XPR1: variants seen among roughly 807,000 people sequenced by gnomAD.
XPR1 encodes the protein xenotropic and polytropic retrovirus receptor 1, also known as solute carrier family 53 member 1.
XPR1 carries 28 observed loss-of-function variants against 87.5 expected under a neutral mutation model. The ratio of observed to expected loss-of-function variants is 0.32; its 90% confidence interval spans 0.24 to 0.44. The LOEUF (loss-of-function observed/expected upper bound fraction) is 0.44, where lower values mean the gene tolerates loss of function less well. Among genes scored for constraint, XPR1 ranks in the 20% least tolerant of loss-of-function variants. The pLI is 1.00. For synonymous variants in XPR1, 300 were observed against 306.1 expected, an observed-to-expected ratio of 0.98 and a Z score of 0.21; for missense variants, 559 against 862.3, an observed-to-expected ratio of 0.65 and a Z score of 4.41.
At chr1:180,777,274 G>A (rs1193045340) in intron 2 of XPR1, among the ~76,000 whole-genome samples, 5 of 152,056 alleles carry the variant, frequency 3.3e-5, no homozygotes, top group African/African-American at 4.8e-5. Flanking sequence ...ACTGTACTAC[G>A]TCTCACTGGT....
At chr1:180,735,722 A>G (rs557756133) in intron 2 of XPR1, among the ~76,000 whole-genome samples, 2 of 152,346 alleles carry the variant, frequency 1.3e-5, no homozygotes, top group South Asian at 2.1e-4. Context: ...AGAATAAATT[A>G]TGTTCACAAG....
At chr1:180,728,848 C>T (rs543449705) in intron 2 of XPR1, among the ~76,000 whole-genome samples, 1 of 151,946 alleles carries the variant, frequency 6.6e-6, no homozygotes, top group African/African-American at 2.4e-5. Flanking sequence ...AATTAATTTT[C>T]AGGTTTTTTT....
intron 2 of XPR1, among the ~76,000 whole-genome samples, chr1:180,701,836 T>G (rs1657342388): frequency 7.2e-6 from 1 of 139,534 alleles, no homozygotes; most frequent in Non-Finnish European, 1.5e-5. Flanking sequence ...TTTTTTTCTT[T>G]ATTAGTCTTG....
intron 2 of XPR1, among the ~76,000 whole-genome samples, chr1:180,727,785 G>A (rs1431784201): frequency 6.6e-6 from 1 of 152,226 alleles, no homozygotes; most frequent in African/African-American, 2.4e-5. Flanking sequence ...TAAACAAGGG[G>A]TGGATTATTC....
chr1:180,682,347 T>A lies in XPR1; in HGVS notation c.70-13T>A, dbSNP rs751062809. The A allele has an allele frequency of 1.3e-5, 21 of 1,584,688 alleles. No individual in the cohort carries two copies. The highest frequency in any genetic ancestry group is 2.3e-5 in the South Asian group (2 of 86,296). ...TCATGATTTCATATATTGTTTTTCT[T>A]TCTTTCTAATAGGCTTTCAAGGATA... On this transcript the variant is annotated splice_polypyrimidine_tract_variant and intron_variant, in intron 1 of 14. Transcript: ENST00000367590.
chr1:180,880,318 T>A (rs1472771601), intron 14 of XPR1, 21 bp downstream of exon 14: 5 of 1,613,366 alleles, frequency 3.1e-6, no homozygotes, highest in Non-Finnish European at 4.2e-6. Flanking sequence ...CTTCTACTTC[T>A]GTGAGGCATA....
intron 2 of XPR1, among the ~76,000 whole-genome samples, chr1:180,692,030 G>A (rs1657011179): frequency 6.6e-6 from 1 of 151,986 alleles, no homozygotes; most frequent in Admixed American, 6.6e-5. Flanking sequence ...TTGTTATCCT[G>A]CATATTTGTC....
chr1:180,767,643 G>A (rs1648338063), intron 2 of XPR1, among the ~76,000 whole-genome samples: 2 of 152,120 alleles, frequency 1.3e-5, no homozygotes, highest in Admixed American at 1.3e-4. Flanking sequence ...ATTTTAAAGA[G>A]TATATAATCT....
chr1:180,768,939 G>A (rs1048631203), intron 2 of XPR1, among the ~76,000 whole-genome samples: 1 of 152,132 alleles, frequency 6.6e-6, no homozygotes, highest in Non-Finnish European at 1.5e-5. Context: ...AGAATTGAAA[G>A]AACAGAATAT....
At chr1:180,707,513 G>T (rs1345601490) in intron 2 of XPR1, among the ~76,000 whole-genome samples, 1 of 152,206 alleles carries the variant, frequency 6.6e-6, no homozygotes, top group Non-Finnish European at 1.5e-5. Context: ...CTTTGGACTT[G>T]AGAGATTCTA....
intron 11 of XPR1, among the ~76,000 whole-genome samples, chr1:180,845,616 G>A (rs1651655086): frequency 6.6e-6 from 1 of 152,124 alleles, no homozygotes. Flanking sequence ...AAACTCCTAG[G>A]CTCATGGGAT....
chr1:180,768,390 A>T (rs751233421), intron 2 of XPR1, among the ~76,000 whole-genome samples: 2 of 152,242 alleles, frequency 1.3e-5, no homozygotes, highest in African/African-American at 4.8e-5. Context: ...GAGACCCTCA[A>T]GTCCCATAAT....
intron 7 of XPR1, among the ~76,000 whole-genome samples, chr1:180,814,479 A>G (rs1256530989): frequency 6.6e-6 from 1 of 152,176 alleles, no homozygotes; most frequent in African/African-American, 2.4e-5. Context: ...CTCCACTGTT[A>G]GTTGTTTTGG....
intron 11 of XPR1, among the ~76,000 whole-genome samples, chr1:180,863,385 A>C (rs1362950218): frequency 6.6e-6 from 1 of 152,144 alleles, no homozygotes; most frequent in Non-Finnish European, 1.5e-5. Flanking sequence ...CTGATGGCAA[A>C]AGTTAAAATT....
chr1:180,663,990 TTG>T (rs1655872166), intron 1 of XPR1, among the ~76,000 whole-genome samples: 1 of 152,040 alleles, frequency 6.6e-6, no homozygotes, highest in Non-Finnish European at 1.5e-5. Context: ...TTCATTTAGT[TTG>T]TGGTGAATGC....
chr1:180,803,701 C>T (rs1649880031), intron 4 of XPR1, 90 bp downstream of exon 4: 9 of 1,143,674 alleles, frequency 7.9e-6, no homozygotes, highest in Non-Finnish European at 1.1e-5. Context: ...ACCAGTGGGT[C>T]AGTTCCAAAA....
chr1:180,732,428 AT>A (rs1658588208), intron 2 of XPR1, among the ~76,000 whole-genome samples: 1 of 152,192 alleles, frequency 6.6e-6, no homozygotes, highest in African/African-American at 2.4e-5. Flanking sequence ...TATTCTCATA[AT>A]TTTAAGGTGG....
intron 2 of XPR1, among the ~76,000 whole-genome samples, chr1:180,781,474 A>T (rs1356748594): frequency 2.6e-5 from 4 of 151,940 alleles, no homozygotes; most frequent in African/African-American, 9.7e-5. Flanking sequence ...TAACCCAAAG[A>T]TTGCATGAAA....
At chr1:180,727,323 T>G (rs1658389067) in intron 2 of XPR1, among the ~76,000 whole-genome samples, 1 of 152,064 alleles carries the variant, frequency 6.6e-6, no homozygotes, top group Non-Finnish European at 1.5e-5. Flanking sequence ...AGAAAGAATG[T>G]GAGGCAAGTC....
Sources: allele counts gnomAD v4.1 joint callset (sites outside exome capture counted in the v4.1 genomes callset), GRCh38; gene constraint gnomAD v4.1.1; transcripts MANE v1.5; gene names NCBI Gene and HGNC (gene_info 2026-07-23, HGNC 2026-07-21).